Variants in CENPP observed in about 807,000 individuals in gnomAD.
CENPP encodes the protein centromere protein P.
In CENPP, 24 loss-of-function variants were observed where a neutral mutation model predicts 35.6. The ratio of observed to expected loss-of-function variants is 0.67; its 90% CI spans 0.49 to 0.95. CENPP has a LOEUF of 0.95. Among genes scored for constraint, CENPP ranks in the 40% least tolerant of loss-of-function variants. The pLI is 0.00. For missense variants in CENPP, 332 were observed against 345.3 expected (o/e 0.96, Z 0.31); for synonymous variants, 120 against 125.5 (o/e 0.96, Z 0.29).
At chr9:92,347,218 G>C (rs911213869) in intron 4 of CENPP, among the ~76,000 whole-genome samples, 1 of 152,222 alleles carries the variant, frequency 6.6e-6, no homozygotes, top group African/African-American at 2.4e-5. Flanking sequence ...GAGAGGTAGG[G>C]AGAATACCAA....
intron 5 of CENPP, among the ~76,000 whole-genome samples, chr9:92,567,369 G>GATACATAT (rs888840109): frequency 9.6e-6 from 1 of 104,096 alleles, no homozygotes; most frequent in Non-Finnish European, 2.2e-5. Flanking sequence ...AGTTACATAA[G>GATACATAT]ATAGATATAT....
At chr9:92,439,326 AT>A (rs1339332402) in intron 5 of CENPP, among the ~76,000 whole-genome samples, 2 of 151,974 alleles carry the variant, frequency 1.3e-5, no homozygotes, top group South Asian at 2.1e-4. Flanking sequence ...AAATTAGGTA[AT>A]TTTTTTCAGT....
At chr9:92,400,915 A>G (rs968795202) in intron 5 of CENPP, among the ~76,000 whole-genome samples, 3 of 152,092 alleles carry the variant, frequency 2.0e-5, no homozygotes, top group Non-Finnish European at 4.4e-5. Context: ...CACATTTCTC[A>G]CTCATAATGT....
chr9:92,528,999 C>T (rs1848582759), intron 5 of CENPP, among the ~76,000 whole-genome samples: 2 of 152,038 alleles, frequency 1.3e-5, no homozygotes, highest in Non-Finnish European at 2.9e-5. Flanking sequence ...AAGGATTAAC[C>T]ATGTAATGTA....
chr9:92,431,687 G>A (rs1844113150), intron 5 of CENPP, among the ~76,000 whole-genome samples: 1 of 152,008 alleles, frequency 6.6e-6, no homozygotes, highest in South Asian at 2.1e-4. Flanking sequence ...CAATTCTTCT[G>A]CCTCAGCCTC....
At chr9:92,517,901 T>TA in intron 5 of CENPP, 1 of 1,612,946 alleles carries the variant, frequency 6.2e-7, no homozygotes, top group South Asian at 1.1e-5. Context: ...AGCACAAATT[T>TA]AAATTTCTTA....
At chr9:92,455,488 A>G (rs1158603458) in intron 5 of CENPP, among the ~76,000 whole-genome samples, 1 of 152,108 alleles carries the variant, frequency 6.6e-6, no homozygotes, top group Non-Finnish European at 1.5e-5. Flanking sequence ...TAAAAGATGT[A>G]CAGGGCAGCC....
At chr9:92,592,522 T>C (rs1448588360) in intron 5 of CENPP, among the ~76,000 whole-genome samples, 9 of 152,228 alleles carry the variant, frequency 5.9e-5, no homozygotes, top group African/African-American at 2.2e-4. Flanking sequence ...ATTGTGTGGA[T>C]ATACAACAAA....
intron 1 of CENPP, among the ~76,000 whole-genome samples, chr9:92,330,054 G>C (rs999528207): frequency 3.3e-5 from 5 of 152,156 alleles, no homozygotes; most frequent in African/African-American, 9.7e-5. Context: ...AGATTATTCT[G>C]TGTAGAGATG....
intron 5 of CENPP, among the ~76,000 whole-genome samples, chr9:92,533,295 G>T (rs1206263691): frequency 2.8e-5 from 2 of 70,222 alleles, no homozygotes; most frequent in Non-Finnish European, 5.1e-5. Flanking sequence ...GTGAGACTCG[G>T]TCTCAAACAA....
At chr9:92,508,444 C>G (rs1400967174) in intron 5 of CENPP, among the ~76,000 whole-genome samples, 1 of 152,190 alleles carries the variant, frequency 6.6e-6, no homozygotes, top group Non-Finnish European at 1.5e-5. Flanking sequence ...GAAGGCAGTT[C>G]CAGGGGTGTG....
chr9:92,406,620 G>T (rs1258620596), intron 5 of CENPP, among the ~76,000 whole-genome samples: 2 of 152,168 alleles, frequency 1.3e-5, no homozygotes, highest in Non-Finnish European at 2.9e-5. Context: ...TTCAGGATCT[G>T]CATTTGAAGT....
intron 5 of CENPP, among the ~76,000 whole-genome samples, chr9:92,469,338 T>C (rs1845426037): frequency 6.6e-6 from 1 of 152,146 alleles, no homozygotes; most frequent in East Asian, 1.9e-4. Context: ...GACCGGGCAG[T>C]GTGAGAGCTG....
At chr9:92,474,686 A>G (rs779232502) in intron 5 of CENPP, 3 of 1,614,094 alleles carry the variant, frequency 1.9e-6, no homozygotes, top group East Asian at 2.2e-5. Flanking sequence ...CATTGGAAAC[A>G]GATCAAATGG....
chr9:92,527,726 T>G (rs1253196373), intron 5 of CENPP, among the ~76,000 whole-genome samples: 1 of 151,990 alleles, frequency 6.6e-6, no homozygotes, highest in Non-Finnish European at 1.5e-5. Flanking sequence ...CAGTGCTAAG[T>G]CTTGGCAAAT....
At chr9:92,612,496 TAAC>T (rs773243443) in intron 6 of CENPP, 24 bp from the exon 7 acceptor site, 1 of 1,559,334 alleles carries the variant, frequency 6.4e-7, no homozygotes, top group South Asian at 1.1e-5. Context: ...AAAAAGCACA[TAAC>T]GACATGTTTT....
intron 5 of CENPP, among the ~76,000 whole-genome samples, chr9:92,558,665 G>A (rs1278826319): frequency 1.3e-5 from 2 of 152,118 alleles, no homozygotes; most frequent in Non-Finnish European, 2.9e-5. Flanking sequence ...GTAGTAGAGT[G>A]GAAAGGGACC....
Position 92,613,107 on chromosome 9 carries a change from G to A in CENPP, c.825G>A (p.Leu275=), listed in dbSNP as rs1481287716. 2.5e-6 allele frequency: 4 copies of A among 1,614,050 alleles called. No homozygotes were observed. In the African/African-American group the frequency reaches 5.3e-5, roughly 22 times the overall value. ...LVGLLGIEAA[L]ESLIKSLCAE... is the part of the protein sequence containing the mutation. ...GACTGCTTGGAATCGAAGCTGCTCT[G>A]GAAAGCCTGATAAAATCGCTTTGTG... The change falls in exon 8 of 8, where the codon CTG becomes CTA. Residue 275 remains leucine (L), a synonymous_variant. Transcript: ENST00000375587.
intron 4 of CENPP, among the ~76,000 whole-genome samples, chr9:92,373,513 C>T (rs189051108): frequency 1.6e-3 from 242 of 152,106 alleles, no homozygotes; most frequent in African/African-American, 5.3e-3. Context: ...TCTCTTGTAT[C>T]TCACTGAGCT....
Sources: gnomAD v4.1 joint callset for allele counts (sites outside exome capture counted in the v4.1 genomes callset) on GRCh38, gnomAD v4.1.1 for gene constraint, MANE v1.5 for transcripts, NCBI Gene and HGNC (gene_info 2026-07-23, HGNC 2026-07-21) for gene names.